The following NPAS3 variants were observed in gnomAD, a reference collection of about 807,000 sequenced individuals.
The protein encoded by NPAS3 is neuronal PAS domain-containing protein 3.
NPAS3 carries 14 observed loss-of-function variants against 73.1 expected under a neutral mutation model. The observed-to-expected ratio is 0.19, with a 90% CI of 0.13 to 0.30. NPAS3 has a LOEUF of 0.30. Among genes scored for constraint, NPAS3 ranks in the 10% least tolerant of loss-of-function variants. The probability of loss-of-function intolerance (pLI) is 1.00; values close to 1 mark genes in which losing one functional copy is unlikely to be tolerated. For missense variants in NPAS3, 1,096 were observed against 1,250.0 expected (o/e 0.88, Z 1.86); for synonymous variants, 620 against 541.5 (o/e 1.14, Z -2.01).
chr14:33,328,446 CTTTTTTTTTTTTTTTTTTTTTTTTTTTTT>C (rs58411120), intron 3 of NPAS3, among the ~76,000 whole-genome samples: 2 of 49,584 alleles, frequency 4.0e-5, no homozygotes, highest in Non-Finnish European at 7.5e-5. Flanking sequence ...CTTTTCTTTT[CTTTTTTTTTTTTTTTTTTTTTTTTTTTTT>C]TTTTTTTTTG....
At chr14:33,443,961 C>T (rs1014008300) in intron 4 of NPAS3, among the ~76,000 whole-genome samples, 1 of 152,180 alleles carries the variant, frequency 6.6e-6, no homozygotes, top group Non-Finnish European at 1.5e-5. Flanking sequence ...ATTAAAAGCA[C>T]CCACTGTGGT....
intron 2 of NPAS3, among the ~76,000 whole-genome samples, chr14:33,200,973 C>A (rs1433492096): frequency 2.0e-5 from 3 of 152,110 alleles, no homozygotes; most frequent in Non-Finnish European, 4.4e-5. Flanking sequence ...TACTTTAAAT[C>A]CATTTACAAT....
intron 5 of NPAS3, among the ~76,000 whole-genome samples, chr14:33,675,729 A>G (rs2059742840): frequency 6.6e-6 from 1 of 152,224 alleles, no homozygotes; most frequent in South Asian, 2.1e-4. Context: ...ATCAGATGAT[A>G]TGTATAAAAA....
At chr14:33,796,940 T>G (rs550619173) in intron 10 of NPAS3, among the ~76,000 whole-genome samples, 3 of 152,234 alleles carry the variant, frequency 2.0e-5, no homozygotes, top group South Asian at 2.1e-4. Context: ...AATCCATGCA[T>G]CCCAAGGTGC....
At chr14:33,001,049 C>T (rs1026687981) in intron 1 of NPAS3, among the ~76,000 whole-genome samples, 3 of 152,172 alleles carry the variant, frequency 2.0e-5, no homozygotes, top group Non-Finnish European at 2.9e-5. Flanking sequence ...TGCCAAGTAT[C>T]GGTGACTTAA....
chr14:33,635,318 TAC>T (rs1595331305), intron 5 of NPAS3, among the ~76,000 whole-genome samples: 1 of 152,150 alleles, frequency 6.6e-6, no homozygotes, highest in East Asian at 1.9e-4. Context: ...GAAGTCAGAT[TAC>T]AGAGAGTTGT....
chr14:33,095,401 G>A (rs1279503138), intron 2 of NPAS3, among the ~76,000 whole-genome samples: 1 of 152,176 alleles, frequency 6.6e-6, no homozygotes, highest in Non-Finnish European at 1.5e-5. Flanking sequence ...TAACTGATAG[G>A]CCTGACATTC....
chr14:33,736,876 A>AT (rs1375170483), intron 7 of NPAS3, among the ~76,000 whole-genome samples: 1 of 152,166 alleles, frequency 6.6e-6, no homozygotes, highest in African/African-American at 2.4e-5. Flanking sequence ...GTTGATTAAA[A>AT]TTTTTTTCAT....
chr14:33,477,702 G>T (rs2051108302), intron 4 of NPAS3, among the ~76,000 whole-genome samples: 1 of 152,082 alleles, frequency 6.6e-6, no homozygotes, highest in African/African-American at 2.4e-5. Context: ...AAGTTCATTT[G>T]CCCCTTACAG....
chr14:33,733,817 A>G (rs2061458448), intron 6 of NPAS3, among the ~76,000 whole-genome samples: 1 of 152,190 alleles, frequency 6.6e-6, no homozygotes, highest in South Asian at 2.1e-4. Context: ...TAAGAAAGGG[A>G]CACTTGTCAG....
chr14:33,750,039 G>T (rs2061915513), intron 7 of NPAS3, among the ~76,000 whole-genome samples: 1 of 152,140 alleles, frequency 6.6e-6, no homozygotes, highest in Non-Finnish European at 1.5e-5. Context: ...ATTTTTTAAG[G>T]ATGGTACTCT....
chr14:33,620,987 G>A (rs1457369804), intron 5 of NPAS3, among the ~76,000 whole-genome samples: 2 of 152,122 alleles, frequency 1.3e-5, no homozygotes, highest in African/African-American at 2.4e-5. Context: ...TAAAAAGTTT[G>A]TACATGTATG....
intron 3 of NPAS3, among the ~76,000 whole-genome samples, chr14:33,340,739 G>A (rs7152738): frequency 0.16 from 24,878 of 152,102 alleles, 5,656 homozygotes; most frequent in African/African-American, 0.49. Context: ...CTAATGGGTT[G>A]TTTCTACAGA....
In NPAS3 at chr14:33,455,089, T is replaced by A. The variant is rs17101247; in HGVS notation, c.468+87821T>A. ...TGATAATCTGTTATATCCAGACAGT[T>A]GCTGCAAATAGTATTCCGTGTTAAG... On this transcript the variant is annotated intron_variant, in intron 4 of 11. Transcript: ENST00000356141. Among the ~76,000 whole-genome samples the A allele has an allele frequency of 6.8e-3, 1,037 of 152,354 alleles. 11 individuals carry two copies. The highest frequency in any genetic ancestry group is 0.024 in the African/African-American group (994 of 41,572).
intron 3 of NPAS3, among the ~76,000 whole-genome samples, chr14:33,335,625 T>A (rs2044191363): frequency 6.6e-6 from 1 of 152,152 alleles, no homozygotes; most frequent in Admixed American, 6.5e-5. Flanking sequence ...CCAGTTTGCA[T>A]CATACTGCTA....
intron 9 of NPAS3, among the ~76,000 whole-genome samples, chr14:33,789,682 G>A (rs895921796): frequency 5.1e-5 from 7 of 137,328 alleles, no homozygotes; most frequent in Admixed American, 1.6e-4. Context: ...TCCGCCTCCC[G>A]GGTTCACGCC....
rs79818961 is a variant in NPAS3 at position 33,219,646 on chromosome 14, G to T, written c.385+4220G>T. On this transcript the variant is annotated intron_variant, in intron 3 of 11. Coordinates refer to ENST00000356141, the Ensembl canonical transcript of NPAS3. Reference sequence around the variant, plus strand: ...AGTAGGAGATGTTTCTGAGAGTAGAGACTTGCAGGCTTGTATTTAAGCAAC... The same window carrying T: ...AGTAGGAGATGTTTCTGAGAGTAGATACTTGCAGGCTTGTATTTAAGCAAC... Among the ~76,000 whole-genome samples, 1,299 of 152,256 alleles carry T rather than the reference G, an allele frequency of 8.5e-3. 14 individuals carry two copies. Among genetic ancestry groups the T allele is most frequent in the African/African-American group, 0.029 (1,225 of 41,554 alleles).
At chr14:33,061,063 G>T (rs929583642) in intron 2 of NPAS3, among the ~76,000 whole-genome samples, 2 of 152,186 alleles carry the variant, frequency 1.3e-5, no homozygotes, top group African/African-American at 4.8e-5. Flanking sequence ...GAGGGAACGT[G>T]CCAGTCTTTA....
intron 7 of NPAS3, among the ~76,000 whole-genome samples, chr14:33,740,177 C>T (rs2140681210): frequency 6.6e-6 from 1 of 152,216 alleles, no homozygotes; most frequent in Non-Finnish European, 1.5e-5. Context: ...GATGTACTTT[C>T]ATATAATATC....
Sources: allele counts gnomAD v4.1 joint callset (sites outside exome capture counted in the v4.1 genomes callset), GRCh38; gene constraint gnomAD v4.1.1; transcripts MANE v1.5; gene names NCBI Gene and HGNC (gene_info 2026-07-23, HGNC 2026-07-21).